IRF2: variants seen among roughly 807,000 people sequenced by gnomAD.
IRF2 encodes the protein interferon regulatory factor 2.
A neutral mutation model predicts 40.6 loss-of-function variants in IRF2; 15 were observed. That is an observed-to-expected ratio of 0.37 (90% CI 0.25 to 0.57). IRF2 has a LOEUF of 0.57. Ranked by LOEUF, IRF2 falls within the 20% of genes least tolerant of loss-of-function variation. The pLI, the probability that IRF2 is intolerant of heterozygous loss-of-function variation, is 0.77. For synonymous variants in IRF2, 151 were observed against 165.5 expected, an observed-to-expected ratio of 0.91 and a Z score of 0.67; for missense variants, 317 against 455.7, an observed-to-expected ratio of 0.70 and a Z score of 2.77.
chr4:184,472,830 G>A (rs1318052228), intron 1 of IRF2, among the ~76,000 whole-genome samples: 1 of 152,212 alleles, frequency 6.6e-6, no homozygotes, highest in African/African-American at 2.4e-5. Context: ...GACTGACCCG[G>A]GCGTTTCACC....
intron 1 of IRF2, among the ~76,000 whole-genome samples, chr4:184,443,448 A>G (rs543504038): frequency 4.0e-4 from 61 of 152,266 alleles, no homozygotes; most frequent in African/African-American, 1.4e-3. Context: ...GCTCCGTCTT[A>G]TAAGTGAGAA....
chr4:184,389,256 C>T (rs777099731), intron 8 of IRF2, among the ~76,000 whole-genome samples, 190 bp from the exon 9 acceptor site: 1 of 151,932 alleles, frequency 6.6e-6, no homozygotes, highest in Non-Finnish European at 1.5e-5. Flanking sequence ...CTCATCTCTA[C>T]AAAACGTAAG....
At chr4:184,417,498 A>T (rs1737323497) in intron 5 of IRF2, among the ~76,000 whole-genome samples, 1 of 152,150 alleles carries the variant, frequency 6.6e-6, no homozygotes, top group African/African-American at 2.4e-5. Flanking sequence ...TGCAGGGCAT[A>T]TTCGGCTCTT....
At position 184,448,255 on chromosome 4, in the gene IRF2, T is replaced by C. The variant is rs960616783; in HGVS notation, c.-6-19185A>G. Among the ~76,000 whole-genome samples the C allele has an allele frequency of 2.6e-5, 4 of 152,170 alleles. No individual in the cohort carries two copies. Among genetic ancestry groups the C allele is most frequent in the African/African-American group, 4.8e-5 (2 of 41,432 alleles). The stretch of plus-strand genomic sequence containing the variant: ...TACAACAAACTCTAGGAAACCCCCT[T>C]TGTGGTGCTTAAATGAAGCTGCTGG... On this transcript the variant is annotated intron_variant, in intron 1 of 8. Transcript: ENST00000393593. This position sits in a 1 kb window ranked among gnomAD's most constrained non-coding sequence, Gnocchi z 4.3.
intron 1 of IRF2, among the ~76,000 whole-genome samples, chr4:184,470,703 A>G (rs1166165466): frequency 8.3e-6 from 1 of 120,862 alleles, no homozygotes; most frequent in Non-Finnish European, 1.7e-5. Context: ...AAAAAAAAAA[A>G]AGAAAAGAAA....
At chr4:184,412,928 G>A (rs570480049) in intron 5 of IRF2, among the ~76,000 whole-genome samples, 38 of 152,292 alleles carry the variant, frequency 2.5e-4, no homozygotes, top group South Asian at 1.7e-3. Flanking sequence ...TCACTCAAGT[G>A]CTGTACCCTC....
At chr4:184,416,328 C>CAAAAAAAAAAAAAAAAAAA (rs35274774) in intron 5 of IRF2, among the ~76,000 whole-genome samples, 3 of 100,168 alleles carry the variant, frequency 3.0e-5, no homozygotes, top group African/African-American at 7.9e-5. Flanking sequence ...AAAAAAAAAA[C>CAAAAAAAAAAAAAAAAAAA]AAAAAAAAAA....
intron 1 of IRF2, among the ~76,000 whole-genome samples, chr4:184,453,026 T>C (rs548213693): frequency 6.6e-6 from 1 of 152,242 alleles, no homozygotes; most frequent in African/African-American, 2.4e-5. Context: ...TGAAACATGC[T>C]GTCTTAAAAT....
At chr4:184,463,187 G>T (rs1739203901) in intron 1 of IRF2, among the ~76,000 whole-genome samples, 1 of 152,242 alleles carries the variant, frequency 6.6e-6, no homozygotes, top group African/African-American at 2.4e-5. Flanking sequence ...GAAGAGATCA[G>T]GTATGGTTTG....
At chr4:184,441,738 T>C (rs1423967352) in intron 1 of IRF2, among the ~76,000 whole-genome samples, 2 of 152,202 alleles carry the variant, frequency 1.3e-5, no homozygotes, top group Admixed American at 1.3e-4. Flanking sequence ...TTAGCAGTGT[T>C]AGGCAAGTTC....
rs1246661137 is a variant in IRF2 at position 184,430,316 on chromosome 4, G to GCTGTCTGGCC, written c.-6-1247_-6-1246insGGCCAGACAG. ...CCAGCCTTTTCCTTGTATGCCTCCT[G>GCTGTCTGGCC]CAGTCTGGCCCAGCCTTTTCCTTGT... On this transcript the variant is annotated intron_variant, in intron 1 of 8. Transcript: ENST00000393593. Among the ~76,000 whole-genome samples the GCTGTCTGGCC allele has an allele frequency of 1.7e-3, 226 of 132,018 alleles. 1 individual carries two copies. Among genetic ancestry groups the GCTGTCTGGCC allele is most frequent in the African/African-American group, 6.1e-3 (215 of 35,408 alleles). 86.6% of individuals were successfully genotyped at this position (132,018 alleles called of 152,430 possible).
intron 1 of IRF2, among the ~76,000 whole-genome samples, chr4:184,445,255 A>G (rs984550058): frequency 6.6e-6 from 1 of 152,220 alleles, no homozygotes; most frequent in Non-Finnish European, 1.5e-5. Flanking sequence ...TTTCCTGAAC[A>G]GCCCAGTGTC....
chr4:184,409,592 T>C (rs947519717), intron 5 of IRF2, among the ~76,000 whole-genome samples: 3 of 152,102 alleles, frequency 2.0e-5, no homozygotes, highest in Non-Finnish European at 4.4e-5. Flanking sequence ...AAGTTCTAAA[T>C]AAGAAGTCTG....
At chr4:184,393,586 G>A (rs1212368276) in intron 7 of IRF2, among the ~76,000 whole-genome samples, 1 of 152,188 alleles carries the variant, frequency 6.6e-6, no homozygotes, top group African/African-American at 2.4e-5. Flanking sequence ...CTTCCTTTAA[G>A]TACCCAGTTT....
At chr4:184,473,290 C>G (rs1227952675) in intron 1 of IRF2, among the ~76,000 whole-genome samples, 3 of 150,322 alleles carry the variant, frequency 2.0e-5, no homozygotes, top group Non-Finnish European at 4.5e-5. Context: ...GGACGCCGGC[C>G]CCCACTGCGC....
At chr4:184,407,824 C>T (rs1453180264) in intron 6 of IRF2, among the ~76,000 whole-genome samples, 2 of 152,242 alleles carry the variant, frequency 1.3e-5, no homozygotes, top group African/African-American at 4.8e-5. Flanking sequence ...CTTCCCTCTC[C>T]TTGGTTCCCG....
chr4:184,473,211 G>A (rs13116451), intron 1 of IRF2, among the ~76,000 whole-genome samples: 4 of 151,120 alleles, frequency 2.6e-5, no homozygotes, highest in African/African-American at 9.7e-5. Flanking sequence ...GCCCGGAGCC[G>A]GGTCGGAGGG....
rs540789685 is a variant in IRF2, at chr4:184,432,830, A to G, written c.-6-3760T>C. ...GCCTGGAGCCACCAGAAGCTGGAAGAGGCAAGGAAGGATTCTCCCCAAGAC... is the reference window on the plus strand; with the variant it reads ...GCCTGGAGCCACCAGAAGCTGGAAGGGGCAAGGAAGGATTCTCCCCAAGAC... On this transcript the variant is annotated intron_variant, in intron 1 of 8. Transcript: ENST00000393593. Among the ~76,000 whole-genome samples, 24 of 152,294 alleles carry G rather than the reference A, an allele frequency of 1.6e-4. No homozygotes were observed. The East Asian group carries it at 4.0e-3, about 26-fold the overall frequency.
intron 5 of IRF2, among the ~76,000 whole-genome samples, chr4:184,411,161 G>A (rs1200519156): frequency 6.6e-6 from 1 of 151,756 alleles, no homozygotes; most frequent in Non-Finnish European, 1.5e-5. Flanking sequence ...GGGTTCAAGA[G>A]ATTCTCCTGC....
Sources: gnomAD v4.1 joint callset for allele counts (sites outside exome capture counted in the v4.1 genomes callset) on GRCh38, gnomAD v4.1.1 for gene constraint, Gnocchi (gnomAD v3.1) non-coding constraint, MANE v1.5 for transcripts, NCBI Gene and HGNC (gene_info 2026-07-23, HGNC 2026-07-21) for gene names.